The following GABRA5 variants were observed in gnomAD, a reference collection of about 807,000 sequenced individuals.
The protein encoded by GABRA5 is gamma-aminobutyric acid type A receptor subunit alpha5, also known as gamma-aminobutyric acid receptor subunit alpha-5.
In GABRA5, 18 loss-of-function variants were observed where a neutral mutation model predicts 47.3. That is an observed-to-expected ratio of 0.38 (90% CI 0.26 to 0.56). GABRA5 has a LOEUF of 0.56. GABRA5 is among the 20% of genes least tolerant of loss of function. GABRA5 has a pLI of 0.71. For synonymous variants in GABRA5, 237 were observed against 229.3 expected (o/e 1.03, Z -0.30); for missense variants, 365 against 599.3 (o/e 0.61, Z 4.08).
chr15:26,937,340 G>A lies in GABRA5; in HGVS notation c.724+12G>A. 1 of 1,596,812 alleles carries A rather than the reference G, an allele frequency of 6.3e-7. No homozygotes were observed. The highest frequency in any genetic ancestry group is 8.5e-7 in the Non-Finnish European group (1 of 1,171,560). On this transcript the variant is annotated intron_variant, in intron 8 of 10. Coordinates refer to ENST00000335625, the MANE Select transcript of GABRA5 (RefSeq NM_000810.4). ...CAGCACCAGCACAGGTGAGGGCTCGGCACGCGCTGTGCTGCCAGGCGCACT... is the reference window on the plus strand; with the variant it reads ...CAGCACCAGCACAGGTGAGGGCTCGACACGCGCTGTGCTGCCAGGCGCACT...
chr15:26,879,558 T>G (rs1255738630), intron 3 of GABRA5, among the ~76,000 whole-genome samples: 1 of 152,238 alleles, frequency 6.6e-6, no homozygotes, highest in East Asian at 1.9e-4. Context: ...TATGGTGATG[T>G]GAAACTTAGA....
At chr15:26,911,863 G>C (rs947111229) in intron 6 of GABRA5, among the ~76,000 whole-genome samples, 4 of 152,302 alleles carry the variant, frequency 2.6e-5, no homozygotes, top group African/African-American at 9.6e-5. Flanking sequence ...GCCGGGGTCT[G>C]GCAGACATGG....
intron 6 of GABRA5, among the ~76,000 whole-genome samples, chr15:26,913,164 C>T (rs2140293063): frequency 7.1e-6 from 1 of 141,232 alleles, no homozygotes; most frequent in Non-Finnish European, 1.5e-5. Flanking sequence ...GCCTGGGCAA[C>T]AGAGCAAGAC....
intron 7 of GABRA5, among the ~76,000 whole-genome samples, chr15:26,934,248 T>TAAAAAAAAAAAAAAAAA (rs776194243): frequency 1.3e-4 from 15 of 112,940 alleles, no homozygotes; most frequent in Non-Finnish European, 2.2e-4. Context: ...AGAGAATGTT[T>TAAAAAAAAAAAAAAAAA]AAAAAAAAAA....
chr15:26,936,074 C>T (rs965313221), intron 7 of GABRA5, among the ~76,000 whole-genome samples: 10 of 152,166 alleles, frequency 6.6e-5, no homozygotes, highest in Admixed American at 6.5e-4. Flanking sequence ...CTCACGAGAT[C>T]TGATGGTTTT....
rs1279767276 is a variant in GABRA5, at chr15:26,883,288, C to G, written c.277-49C>G. ...ATTCTTACTCCGCGCCGCAGGCCCC[C>G]GCCCAGGCCCCGTGCCCTCTGACTG... On this transcript the variant is annotated intron_variant, in intron 5 of 10. Transcript: ENST00000335625. This position sits in a 1 kb window ranked among gnomAD's most constrained non-coding sequence, Gnocchi z 4.8. The G allele has an allele frequency of 1.2e-6, 2 of 1,610,594 alleles. No individual in the cohort carries two copies. The highest frequency in any genetic ancestry group is 4.5e-5 in the East Asian group (2 of 44,842).
chr15:26,872,020 G>A (rs1030408854), intron 3 of GABRA5, among the ~76,000 whole-genome samples: 7 of 152,128 alleles, frequency 4.6e-5, no homozygotes, highest in East Asian at 1.9e-4. Context: ...CTAGCAAAGC[G>A]GGAAGCCAGG....
chr15:26,909,108 G>A (rs1893516619), intron 6 of GABRA5, among the ~76,000 whole-genome samples: 1 of 152,182 alleles, frequency 6.6e-6, no homozygotes, highest in South Asian at 2.1e-4. Flanking sequence ...TGCAGCTGTG[G>A]GCAGGATGGC....
intron 6 of GABRA5, among the ~76,000 whole-genome samples, chr15:26,888,500 G>T (rs984597882): frequency 6.6e-6 from 1 of 152,064 alleles, no homozygotes; most frequent in African/African-American, 2.4e-5. Flanking sequence ...CCAGGGACTG[G>T]CCCGAGGTCA....
chr15:26,878,650 G>T (rs1016754892), intron 3 of GABRA5, among the ~76,000 whole-genome samples: 1 of 152,124 alleles, frequency 6.6e-6, no homozygotes, highest in African/African-American at 2.4e-5. Context: ...TGGCCCCATC[G>T]TACAAAGAAA....
chr15:26,882,900 C>G (rs575594069), intron 4 of GABRA5, among the ~76,000 whole-genome samples: 1 of 152,216 alleles, frequency 6.6e-6, no homozygotes, highest in Non-Finnish European at 1.5e-5. Flanking sequence ...GAGGCCTCAG[C>G]CCAGGTCTTT....
At chr15:26,871,194 A>AAAAAC (rs544445949) in intron 3 of GABRA5, among the ~76,000 whole-genome samples, 273 of 152,334 alleles carry the variant, frequency 1.8e-3, no homozygotes, top group African/African-American at 5.8e-3. Context: ...ACTTTGTCTC[A>AAAAAC]AAAACAAAAC....
intron 6 of GABRA5, among the ~76,000 whole-genome samples, chr15:26,908,155 T>C (rs1031305912): frequency 2.0e-5 from 3 of 152,216 alleles, no homozygotes; most frequent in Admixed American, 2.0e-4. Context: ...TTCTTTTTAA[T>C]TGAATATTTG....
intron 7 of GABRA5, among the ~76,000 whole-genome samples, chr15:26,927,555 G>T (rs1340235433): frequency 6.6e-6 from 1 of 152,104 alleles, no homozygotes; most frequent in Non-Finnish European, 1.5e-5. Flanking sequence ...TTGACCAAGA[G>T]CTAGAAAACT....
At chr15:26,927,270 A>ATTTTTTTTTT (rs11400477) in intron 7 of GABRA5, among the ~76,000 whole-genome samples, 1 of 142,222 alleles carries the variant, frequency 7.0e-6, no homozygotes, top group Non-Finnish European at 1.5e-5. Context: ...TGTCCAGCTA[A>ATTTTTTTTTT]TTTTTTTTTT....
At chr15:26,893,860 G>C (rs1893104658) in intron 6 of GABRA5, among the ~76,000 whole-genome samples, 2 of 152,104 alleles carry the variant, frequency 1.3e-5, no homozygotes, top group Non-Finnish European at 2.9e-5. Flanking sequence ...CGGGGCGTCA[G>C]AGTGCAAGAT....
At chr15:26,909,764 A>G (rs891361177) in intron 6 of GABRA5, among the ~76,000 whole-genome samples, 3 of 152,238 alleles carry the variant, frequency 2.0e-5, no homozygotes, top group Non-Finnish European at 4.4e-5. Context: ...CTCCATCCCA[A>G]GATCCTTAAA....
chr15:26,915,318 G>A (rs1024572524), intron 7 of GABRA5, among the ~76,000 whole-genome samples: 1 of 152,166 alleles, frequency 6.6e-6, no homozygotes, highest in Admixed American at 6.5e-5. Context: ...TTCCATAAGA[G>A]CAACAGCCTC....
At chr15:26,928,227 T>A (rs1334972263) in intron 7 of GABRA5, among the ~76,000 whole-genome samples, 2 of 152,208 alleles carry the variant, frequency 1.3e-5, no homozygotes. Flanking sequence ...CGGAGTGAGC[T>A]ACTATTCCAT....
Sources: allele counts gnomAD v4.1 joint callset (sites outside exome capture counted in the v4.1 genomes callset), GRCh38; gene constraint gnomAD v4.1.1; non-coding constraint Gnocchi (gnomAD v3.1); transcripts MANE v1.5; gene names NCBI Gene and HGNC (gene_info 2026-07-23, HGNC 2026-07-21).